The following CABIN1 variants were observed in gnomAD, a reference collection of about 807,000 sequenced individuals.
CABIN1 encodes calcineurin binding protein 1, also known as calcineurin-binding protein cabin-1.
Under a neutral mutation model 227.7 loss-of-function variants are expected in CABIN1, and 133 were observed. The observed-to-expected ratio is 0.58, with a 90% CI of 0.51 to 0.67. CABIN1 has a LOEUF of 0.67. Among genes scored for constraint, CABIN1 ranks in the 30% least tolerant of loss-of-function variants. The pLI is 0.00. For missense variants in CABIN1, 2,408 were observed against 2,852.5 expected, an observed-to-expected ratio of 0.84 and a Z score of 3.55; for synonymous variants, 1,086 against 1,155.1, an observed-to-expected ratio of 0.94 and a Z score of 1.21.
chr22:24,073,133 A>G (rs113890347), intron 18 of CABIN1, among the ~76,000 whole-genome samples: 5,064 of 152,090 alleles, frequency 0.033, 105 homozygotes, highest in East Asian at 0.1. Context: ...GGAGATGGCA[A>G]TGGATCCATA....
intron 3 of CABIN1, among the ~76,000 whole-genome samples, chr22:24,037,428 G>C (rs2036999724): frequency 6.6e-6 from 1 of 151,850 alleles, no homozygotes; most frequent in African/African-American, 2.4e-5. Context: ...TCAGCCTCCT[G>C]AGTAGTTTAG....
rs1569201168 is a variant in CABIN1, at chr22:24,092,114, T to A, written c.3786+271T>A. The A allele has an allele frequency of 7.7e-6, 4 of 519,614 alleles. No homozygotes were observed. In the East Asian group the frequency reaches 1.4e-4, roughly 18 times the overall value. The allele number at this position is 519,614 out of a possible 1,614,324, so 32.2% of individuals were successfully genotyped here. On this transcript the variant is annotated intron_variant, in intron 24 of 36. Coordinates refer to ENST00000263119, the MANE Select transcript of CABIN1 (RefSeq NM_012295.4). ...CTCACTAACACAGGTTCTAAGAACC[T>A]GACCTTGGTGATGACAGTCAGTGCT...
In CABIN1 at chr22:24,134,307, C is replaced by T. The variant is rs1392282535; in HGVS notation, c.4638C>T (p.Leu1546=). Residue 1546 remains leucine, a synonymous_variant, in exon 29 of 37, where the codon CTC becomes CTT. Transcript: ENST00000263119. The part of the protein sequence containing the change: ...LYTYSKTHRN[L]QWARDVLLGS... Reference sequence around the variant, plus strand: ...CCTACTTCTTGTTTCCCCAGAACCTCCAGTGGGCCCGCGACGTGTTGCTAG... The same window carrying T: ...CCTACTTCTTGTTTCCCCAGAACCTTCAGTGGGCCCGCGACGTGTTGCTAG... The T allele has an allele frequency of 3.1e-6, 5 of 1,613,542 alleles. No individual in the cohort carries two copies. The highest frequency in any genetic ancestry group is 1.7e-5 in the Admixed American group (1 of 60,006).
At chr22:24,114,181 T>C (rs566332896) in intron 27 of CABIN1, among the ~76,000 whole-genome samples, 1 of 152,146 alleles carries the variant, frequency 6.6e-6, no homozygotes, top group Non-Finnish European at 1.5e-5. Context: ...TCAGGAAAAA[T>C]CTCTCTTTTT....
At position 24,113,898 on chromosome 22, in the gene CABIN1, C is replaced by G; in HGVS notation, c.4300+150C>G. 5 of 822,844 alleles carry G rather than the reference C, an allele frequency of 6.1e-6. No homozygotes were observed. In the South Asian group the frequency reaches 7.5e-5, roughly 12 times the overall value. The allele number at this position is 822,844 out of a possible 1,614,324, so 51.0% of individuals were successfully genotyped here. ...TTTCTCCCTGTAGGATGAGAATGGTCCCAGTGCCCGCCCTGGGGTTGTGAG... is the reference window on the plus strand; with the variant it reads ...TTTCTCCCTGTAGGATGAGAATGGTGCCAGTGCCCGCCCTGGGGTTGTGAG... On this transcript the variant is annotated intron_variant, in intron 27 of 36. Coordinates refer to ENST00000263119, the MANE Select transcript of CABIN1 (RefSeq NM_012295.4).
chr22:24,132,544 G>A (rs1213110880), intron 28 of CABIN1, among the ~76,000 whole-genome samples: 2 of 152,142 alleles, frequency 1.3e-5, no homozygotes, highest in African/African-American at 4.8e-5. Flanking sequence ...CCAAAGCCTG[G>A]CTGCCAGGCA....
At chr22:24,032,706 T>C (rs148965563) in intron 1 of CABIN1, among the ~76,000 whole-genome samples, 7 of 152,360 alleles carry the variant, frequency 4.6e-5, no homozygotes, top group Non-Finnish European at 1.0e-4. Context: ...TTTAATGCTA[T>C]AGTTTCTACT....
At chr22:24,163,893 G>A (rs1454593761) in intron 29 of CABIN1, among the ~76,000 whole-genome samples, 1 of 152,250 alleles carries the variant, frequency 6.6e-6, no homozygotes, top group African/African-American at 2.4e-5. Context: ...TGGGAAGAGG[G>A]AGGGGGACCC....
chr22:24,141,548 G>A (rs1454932859), intron 29 of CABIN1, among the ~76,000 whole-genome samples: 8 of 152,246 alleles, frequency 5.3e-5, no homozygotes, highest in Non-Finnish European at 1.2e-4. Flanking sequence ...ACCTTGCCAG[G>A]TGTTTTGGCA....
At chr22:24,029,647 G>A (rs896233417) in intron 1 of CABIN1, among the ~76,000 whole-genome samples, 5 of 152,188 alleles carry the variant, frequency 3.3e-5, no homozygotes, top group African/African-American at 1.2e-4. Context: ...CATTATTCTG[G>A]CTTCTTCTTA....
At chr22:24,125,335 G>T (rs1428169638) in intron 28 of CABIN1, among the ~76,000 whole-genome samples, 1 of 152,350 alleles carries the variant, frequency 6.6e-6, no homozygotes. Context: ...TAAAGGACAG[G>T]TCAGCTGGGT....
chr22:24,059,820 A>G (rs2039060558), intron 11 of CABIN1, 104 bp from the exon 12 acceptor site: 2 of 981,792 alleles, frequency 2.0e-6, no homozygotes, highest in African/African-American at 1.6e-5. Context: ...CCTGGATCAG[A>G]TGGTAGAGGG....
intron 5 of CABIN1, among the ~76,000 whole-genome samples, chr22:24,041,681 TTAA>T (rs1025834177): frequency 6.6e-6 from 1 of 152,220 alleles, no homozygotes; most frequent in Non-Finnish European, 1.5e-5. Flanking sequence ...ATTCAATATA[TTAA>T]TACTTACAGT....
At chr22:24,083,538 A>C (rs1483835536) in intron 20 of CABIN1, 149 bp downstream of exon 20, 1 of 829,672 alleles carries the variant, frequency 1.2e-6, no homozygotes, top group African/African-American at 1.7e-5. Flanking sequence ...AGTGTATCAA[A>C]GGACAAGGGT....
chr22:24,168,568 C>A, intron 33 of CABIN1, 47 bp downstream of exon 33: 2 of 1,399,900 alleles, frequency 1.4e-6, no homozygotes, highest in South Asian at 2.5e-5. Flanking sequence ...GGAGCCTGCT[C>A]CATATCAAGG....
chr22:24,083,197 C>G, intron 19 of CABIN1, 31 bp from the exon 20 acceptor site: 2 of 1,610,506 alleles, frequency 1.2e-6, no homozygotes, highest in Non-Finnish European at 1.7e-6. Context: ...TACAGGCCCT[C>G]ACCTCAGGCC....
At chr22:24,159,933 G>T (rs1374172512) in intron 29 of CABIN1, among the ~76,000 whole-genome samples, 3 of 152,164 alleles carry the variant, frequency 2.0e-5, no homozygotes, top group Admixed American at 6.5e-5. Context: ...TTTCAAAACC[G>T]AGGTGAACTG....
intron 29 of CABIN1, among the ~76,000 whole-genome samples, chr22:24,141,824 C>T (rs2044780189): frequency 6.6e-6 from 1 of 152,156 alleles, no homozygotes. Flanking sequence ...GTTGCTTAAA[C>T]TGATGGGAGG....
intron 26 of CABIN1, among the ~76,000 whole-genome samples, chr22:24,111,650 A>C (rs2042814493): frequency 6.6e-6 from 1 of 152,250 alleles, no homozygotes; most frequent in African/African-American, 2.4e-5. Context: ...AAAGTGTTGA[A>C]TATCTCATGC....
Sources: allele counts gnomAD v4.1 joint callset (sites outside exome capture counted in the v4.1 genomes callset), GRCh38; gene constraint gnomAD v4.1.1; transcripts MANE v1.5; gene names NCBI Gene and HGNC (gene_info 2026-07-23, HGNC 2026-07-21).